GSG1L: variants seen among roughly 807,000 people sequenced by gnomAD.
The protein encoded by GSG1L is germ cell-specific gene 1-like protein.
A neutral mutation model predicts 42.1 loss-of-function variants in GSG1L; 24 were observed. That is an observed-to-expected ratio of 0.57 (90% CI 0.41 to 0.80). GSG1L has a LOEUF of 0.80. Ranked by LOEUF, GSG1L falls within the 30% of genes least tolerant of loss-of-function variation. GSG1L has a pLI of 0.00. For missense variants in GSG1L, 445 were observed against 472.2 expected, an observed-to-expected ratio of 0.94 and a Z score of 0.53; for synonymous variants, 215 against 203.5, an observed-to-expected ratio of 1.06 and a Z score of -0.48.
intron 2 of GSG1L, among the ~76,000 whole-genome samples, chr16:27,900,333 A>G (rs886880296): frequency 2.6e-5 from 4 of 152,162 alleles, no homozygotes; most frequent in African/African-American, 9.7e-5. Flanking sequence ...TGCTATTACC[A>G]TCTCCACGTC....
chr16:28,042,818 C>A (rs1342929462), intron 1 of GSG1L, among the ~76,000 whole-genome samples: 1 of 152,162 alleles, frequency 6.6e-6, no homozygotes, highest in Non-Finnish European at 1.5e-5. Flanking sequence ...AATATAAACT[C>A]TATCACGAAG....
chr16:27,814,359 A>G (rs1597467979), intron 5 of GSG1L, among the ~76,000 whole-genome samples: 1 of 151,992 alleles, frequency 6.6e-6, no homozygotes, highest in African/African-American at 2.4e-5. Context: ...TGATTCTCCC[A>G]CCTTGGCCTT....
chr16:27,901,204 G>A (rs1038876057), intron 2 of GSG1L, among the ~76,000 whole-genome samples: 6 of 152,304 alleles, frequency 3.9e-5, no homozygotes, highest in Non-Finnish European at 7.4e-5. Flanking sequence ...ACAAGATCTA[G>A]TGCACGTCTA....
intron 3 of GSG1L, among the ~76,000 whole-genome samples, chr16:27,869,636 C>T (rs1390813997): frequency 1.1e-5 from 1 of 92,294 alleles, no homozygotes; most frequent in East Asian, 3.4e-4. Context: ...GCGTCTCCAT[C>T]TCTCTCTCCT....
chr16:27,798,029 G>A (rs191140302), intron 6 of GSG1L, among the ~76,000 whole-genome samples: 7 of 152,228 alleles, frequency 4.6e-5, no homozygotes, highest in African/African-American at 1.4e-4. Context: ...TGCTCCACAG[G>A]GGGAGGATGG....
chr16:28,056,779 G>T (rs964731096), intron 1 of GSG1L, among the ~76,000 whole-genome samples: 17 of 152,026 alleles, frequency 1.1e-4, no homozygotes, highest in Admixed American at 6.5e-5. Flanking sequence ...TGTCCTCAGG[G>T]AGCCAGCGTC....
intron 2 of GSG1L, among the ~76,000 whole-genome samples, chr16:27,902,149 T>C (rs1386788779): frequency 6.6e-6 from 1 of 152,166 alleles, no homozygotes; most frequent in Non-Finnish European, 1.5e-5. Context: ...CAGCACCCGC[T>C]CCGGGAACCA....
chr16:27,825,710 T>C (rs929532360), intron 5 of GSG1L, among the ~76,000 whole-genome samples: 4 of 151,816 alleles, frequency 2.6e-5, no homozygotes, highest in African/African-American at 7.3e-5. Flanking sequence ...TCATCTGTCA[T>C]TGGAGGGATC....
At chr16:27,849,713 AT>A (rs1703026740) in intron 3 of GSG1L, among the ~76,000 whole-genome samples, 1 of 151,832 alleles carries the variant, frequency 6.6e-6, no homozygotes, top group African/African-American at 2.4e-5. Flanking sequence ...TTATTTATTT[AT>A]TTTAGAGATG....
intron 5 of GSG1L, among the ~76,000 whole-genome samples, chr16:27,818,674 T>C (rs1365323555): frequency 6.6e-6 from 1 of 151,880 alleles, no homozygotes; most frequent in African/African-American, 2.4e-5. Flanking sequence ...GAATGAAAAA[T>C]GGAATTAAAA....
intron 6 of GSG1L, among the ~76,000 whole-genome samples, chr16:27,807,133 G>A (rs2071461685): frequency 6.6e-6 from 1 of 152,202 alleles, no homozygotes; most frequent in Non-Finnish European, 1.5e-5. Flanking sequence ...AACAACTCCT[G>A]TCCACGGTCA....
intron 3 of GSG1L, among the ~76,000 whole-genome samples, chr16:27,859,744 T>C (rs2083620412): frequency 1.3e-5 from 2 of 152,194 alleles, no homozygotes; most frequent in South Asian, 4.1e-4. Context: ...GGCACGATCA[T>C]AGCTCACTGC....
intron 2 of GSG1L, among the ~76,000 whole-genome samples, chr16:27,904,776 T>C (rs1032662808): frequency 1.3e-5 from 2 of 152,138 alleles, no homozygotes; most frequent in South Asian, 2.1e-4. Flanking sequence ...ATCTCTCACT[T>C]TCCTCCTTAA....
At chr16:27,899,693 G>A (rs1271747918) in intron 2 of GSG1L, among the ~76,000 whole-genome samples, 3 of 152,070 alleles carry the variant, frequency 2.0e-5, no homozygotes, top group Admixed American at 1.3e-4. Flanking sequence ...CTCCAGCCAG[G>A]GTGACAGAAG....
At chr16:27,991,645 TCCACCC>T (rs2085458221) in intron 1 of GSG1L, among the ~76,000 whole-genome samples, 1 of 152,152 alleles carries the variant, frequency 6.6e-6, no homozygotes, top group Non-Finnish European at 1.5e-5. Flanking sequence ...CCTCAGGTGA[TCCACCC>T]GCCTCAGCCT....
intron 4 of GSG1L, among the ~76,000 whole-genome samples, chr16:27,843,216 T>C (rs1473456384): frequency 6.6e-6 from 1 of 152,120 alleles, no homozygotes; most frequent in East Asian, 1.9e-4. Context: ...ACAATTGTGG[T>C]CTCTGTCTTT....
rs74013524 is a variant in GSG1L, at chr16:27,806,461, A to C, written c.898+1026T>G. Among the ~76,000 whole-genome samples, 470 of 152,312 alleles carry C rather than the reference A, an allele frequency of 3.1e-3. 3 individuals carry two copies. Among genetic ancestry groups the C allele is most frequent in the African/African-American group, 0.011 (440 of 41,570 alleles). Reference sequence around the variant, plus strand: ...AGGTAAGAATTTGAGTGCCCATGATATATTTACAAGGTACAGGGAAATTGG... The same window carrying C: ...AGGTAAGAATTTGAGTGCCCATGATCTATTTACAAGGTACAGGGAAATTGG... On this transcript the variant is annotated intron_variant, in intron 6 of 6. Coordinates refer to ENST00000447459, the MANE Select transcript of GSG1L (RefSeq NM_001109763.2).
At chr16:27,917,061 C>T (rs1025476659) in intron 2 of GSG1L, among the ~76,000 whole-genome samples, 2 of 152,072 alleles carry the variant, frequency 1.3e-5, no homozygotes, top group Non-Finnish European at 2.9e-5. Context: ...AAGCTTGCTT[C>T]GTGCTTTTTT....
intron 3 of GSG1L, among the ~76,000 whole-genome samples, chr16:27,867,891 T>A (rs2141006953): frequency 6.6e-6 from 1 of 152,304 alleles, no homozygotes; most frequent in East Asian, 1.9e-4. Context: ...GGCCTAGCAG[T>A]CCTGTCCCAA....
Sources: gnomAD v4.1 joint callset for allele counts (sites outside exome capture counted in the v4.1 genomes callset) on GRCh38, gnomAD v4.1.1 for gene constraint, MANE v1.5 for transcripts, NCBI Gene and HGNC (gene_info 2026-07-23, HGNC 2026-07-21) for gene names.